P2RY2: variants seen among roughly 807,000 people sequenced by gnomAD.
The protein encoded by P2RY2 is purinergic receptor P2Y2.
For synonymous variants in P2RY2, 241 were observed against 231.9 expected, an observed-to-expected ratio of 1.04 and a Z score of -0.35; for missense variants, 567 against 515.7, an observed-to-expected ratio of 1.10 and a Z score of -0.96.
chr11:73,219,063 C>T (rs1862047159), intron 1 of P2RY2, among the ~76,000 whole-genome samples: 1 of 152,210 alleles, frequency 6.6e-6, no homozygotes, highest in South Asian at 2.1e-4. Context: ...AACCCGAAGG[C>T]TGCCAGTGGC....
Position 73,235,571 on chromosome 11 carries a change from T to A in P2RY2, c.*278T>A. On this transcript the variant is annotated 3_prime_UTR_variant, in exon 3 of 3. Transcript: ENST00000393597. Reference sequence around the variant, plus strand: ...AATGACACCCCTGGCCTGACTCCCATGCAAGTAGCTGGCTGTACTGCCAAG... The same window carrying A: ...AATGACACCCCTGGCCTGACTCCCAAGCAAGTAGCTGGCTGTACTGCCAAG... 8.7e-7 allele frequency: 1 copy of A among 1,153,654 alleles called. No homozygotes were observed. Among genetic ancestry groups the A allele is most frequent in the Non-Finnish European group, 1.1e-6 (1 of 929,432 alleles). 71.5% of individuals were successfully genotyped at this position (1,153,654 alleles called of 1,614,324 possible).
At chr11:73,232,433 A>T (rs1232386822) in intron 2 of P2RY2, among the ~76,000 whole-genome samples, 2 of 151,810 alleles carry the variant, frequency 1.3e-5, no homozygotes, top group African/African-American at 2.4e-5. Context: ...TTTTTCTGAG[A>T]CAGAGTCTTG....
intron 1 of P2RY2, among the ~76,000 whole-genome samples, chr11:73,222,670 G>T (rs1351994761): frequency 1.3e-5 from 2 of 152,050 alleles, no homozygotes; most frequent in Non-Finnish European, 2.9e-5. Context: ...TGCCTCTCCT[G>T]CCTTCAGAGC....
Position 73,235,803 on chromosome 11 carries a change from A to T in P2RY2, c.*510A>T. The stretch of plus-strand genomic sequence containing the variant: ...ATGGACTGGGTGCCACGGTGGACTT[A>T]GCTCTGAGGAGTACCCCCAGCCCAA... On this transcript the variant is annotated 3_prime_UTR_variant, in exon 3 of 3. Transcript: ENST00000393597. The T allele has an allele frequency of 1.0e-6, 1 of 1,001,222 alleles. No homozygotes were observed. Among genetic ancestry groups the T allele is most frequent in the Non-Finnish European group, 1.2e-6 (1 of 830,790 alleles). The allele number at this position is 1,001,222 out of a possible 1,614,324, so 62.0% of individuals were successfully genotyped here.
At position 73,237,275 on chromosome 11, in the gene P2RY2, T is replaced by A; in HGVS notation, c.*1982T>A. 1 of 262,250 alleles carries A rather than the reference T, an allele frequency of 3.8e-6. No individual in the cohort carries two copies. Among genetic ancestry groups the A allele is most frequent in the Non-Finnish European group, 5.9e-6 (1 of 168,848 alleles). 16.2% of individuals were successfully genotyped at this position (262,250 alleles called of 1,614,324 possible). On this transcript the variant is annotated 3_prime_UTR_variant, in exon 3 of 3. Coordinates refer to ENST00000393597, the MANE Select transcript of P2RY2 (RefSeq NM_002564.4). ...TTTTTTTTCTTTTTGAGACGAAGTC[T>A]TGTTCTGTCACCCAGGCTGGAAGTG...
Position 73,234,781 on chromosome 11 carries a change from G to A in P2RY2, c.622G>A (p.Ala208Thr). Residue 208 changes from alanine (A) to threonine (T), a missense_variant, in exon 3 of 3, where the codon GCG becomes ACG. Transcript: ENST00000393597. ...CTCAGTCATGCTGGGCCTGCTCTTC[G>A]CGGTGCCCTTTGCCGTCATCCTTGT... ...YSSVMLGLLF[A>T]VPFAVILVCY... 1.2e-6 allele frequency: 2 copies of A among 1,611,754 alleles called. No homozygotes were observed. Among genetic ancestry groups the A allele is most frequent in the East Asian group, 2.2e-5 (1 of 44,862 alleles).
rs1358316676 is a variant in P2RY2, at chr11:73,240,630, T to G, written c.*5337T>G. On this transcript the variant is annotated 3_prime_UTR_variant, in exon 3 of 3. Transcript: ENST00000393597. ...TGTGCCTTACCCAGTCACACAGCAGTCAGTGTGAAGCTTAGGTGTAAGCCC... is the reference window on the plus strand; with the variant it reads ...TGTGCCTTACCCAGTCACACAGCAGGCAGTGTGAAGCTTAGGTGTAAGCCC... 1 of 152,152 alleles carries G rather than the reference T, an allele frequency of 6.6e-6. No individual in the cohort carries two copies. Among genetic ancestry groups the G allele is most frequent in the Non-Finnish European group, 1.5e-5 (1 of 68,048 alleles). 9.4% of individuals were successfully genotyped at this position (152,152 alleles called of 1,614,324 possible).
In P2RY2 at chr11:73,236,725, C is replaced by G; in HGVS notation, c.*1432C>G. 2 of 985,408 alleles carry G rather than the reference C, an allele frequency of 2.0e-6. No homozygotes were observed. Among genetic ancestry groups the G allele is most frequent in the Non-Finnish European group, 2.4e-6 (2 of 829,924 alleles). The allele number at this position is 985,408 out of a possible 1,614,324, so 61.0% of individuals were successfully genotyped here. A position where few individuals can be genotyped will look rare whatever the true frequency, so the allele number is the denominator to read the frequency against. ...TAAATATGAAAGAGATTCACTCCTC[C>G]TCCTGTCCATCGTCTGCCTTCTGGG... On this transcript the variant is annotated 3_prime_UTR_variant, in exon 3 of 3. Coordinates refer to ENST00000393597, the MANE Select transcript of P2RY2 (RefSeq NM_002564.4).
chr11:73,220,909 C>A (rs553023437), intron 1 of P2RY2, among the ~76,000 whole-genome samples: 3 of 152,126 alleles, frequency 2.0e-5, no homozygotes, highest in Non-Finnish European at 4.4e-5. Context: ...TCATGAGTGA[C>A]CCCATGAGAG....
intron 1 of P2RY2, among the ~76,000 whole-genome samples, chr11:73,224,387 C>T (rs1862215941): frequency 6.6e-6 from 1 of 152,332 alleles, no homozygotes; most frequent in South Asian, 2.1e-4. Flanking sequence ...CCTGACTCCT[C>T]GTCTTCCAAA....
rs1862093921 is a variant in P2RY2, at chr11:73,220,732, T to C, written c.-200+2300T>C. On this transcript the variant is annotated intron_variant, in intron 1 of 2. Transcript: ENST00000393597. ...CTGTCTTGGAGTCTGGTCAGAGGGG[T>C]TGGGGATCCCAGTGGGCAACCCTCA... 2.0e-5 allele frequency among the ~76,000 whole-genome samples: 3 copies of C among 152,234 alleles called. No homozygotes were observed. In the South Asian group the frequency reaches 6.2e-4, roughly 32 times the overall value.
chr11:73,230,984 G>A (rs1218422314), intron 2 of P2RY2, among the ~76,000 whole-genome samples: 2 of 152,150 alleles, frequency 1.3e-5, no homozygotes, highest in Admixed American at 6.5e-5. Context: ...AAGAGGTAGA[G>A]CCTGGAACGA....
rs748059913 is a variant in P2RY2, at chr11:73,234,720, G to A, written c.561G>A (p.Ser187=). The A allele has an allele frequency of 1.2e-6, 2 of 1,608,596 alleles. No individual in the cohort carries two copies. The highest frequency in any genetic ancestry group is 1.7e-5 in the Admixed American group (1 of 59,948). Residue 187 remains serine, a synonymous_variant, in exon 3 of 3, where the codon TCG becomes TCA. Transcript: ENST00000393597. ...GCCGCGTAACCTGCCACGACACCTC[G>A]GCACCCGAGCTCTTCAGCCGCTTCG... ...RGGRVTCHDT[S]APELFSRFVA...
rs1862701314 is a variant in P2RY2, at chr11:73,238,268, G to T, written c.*2975G>T. ...GATGGGAGGAAAGGGAGGGTAGAGA[G>T]TTGAGTGTCAGGGAGTAAATGTCTG... On this transcript the variant is annotated 3_prime_UTR_variant, in exon 3 of 3. Coordinates refer to ENST00000393597, the MANE Select transcript of P2RY2 (RefSeq NM_002564.4). Among the ~76,000 whole-genome samples, 1 of 152,212 alleles carries T rather than the reference G, an allele frequency of 6.6e-6. No individual in the cohort carries two copies. Among genetic ancestry groups the T allele is most frequent in the South Asian group, 2.1e-4 (1 of 4,834 alleles).
intron 2 of P2RY2, among the ~76,000 whole-genome samples, chr11:73,231,059 C>A (rs1733911010): frequency 6.6e-6 from 1 of 152,116 alleles, no homozygotes; most frequent in South Asian, 2.1e-4. Context: ...CCTGCCAGAG[C>A]CCCAGCATCT....
At chr11:73,233,569 C>T (rs1325802992) in intron 2 of P2RY2, among the ~76,000 whole-genome samples, 4 of 152,240 alleles carry the variant, frequency 2.6e-5, no homozygotes, top group African/African-American at 9.6e-5. Flanking sequence ...GCTCAGAATC[C>T]TAGATCTAAA....
chr11:73,220,110 TGGCACCAGCTTCTCCAGTAAA>T (rs1295962841), intron 1 of P2RY2, among the ~76,000 whole-genome samples: 3 of 152,230 alleles, frequency 2.0e-5, no homozygotes, highest in Non-Finnish European at 4.4e-5. Context: ...CCCCTGTCTC[TGGCACCAGCTTCTCCAGTAAA>T]GGCCCGGCTG....
intron 1 of P2RY2, among the ~76,000 whole-genome samples, chr11:73,227,517 G>C (rs1332515444): frequency 6.6e-6 from 1 of 152,166 alleles, no homozygotes; most frequent in East Asian, 1.9e-4. Context: ...AGGTAGGAGT[G>C]GGGAGGAGGG....
rs909090965 is a variant in P2RY2, at chr11:73,241,422, A to G, written c.*6129A>G. On this transcript the variant is annotated 3_prime_UTR_variant, in exon 3 of 3. Transcript: ENST00000393597. ...CTTCATCTGGAAAATTGAACTGGTAATACCAATACCTCTTTTCCCGGTTTA... is the reference window on the plus strand; with the variant it reads ...CTTCATCTGGAAAATTGAACTGGTAGTACCAATACCTCTTTTCCCGGTTTA... 6.6e-6 allele frequency: 1 copy of G among 152,574 alleles called. No individual in the cohort carries two copies. The highest frequency in any genetic ancestry group is 2.4e-5 in the African/African-American group (1 of 41,462). The allele number at this position is 152,574 out of a possible 1,614,324, so 9.5% of individuals were successfully genotyped here. A position where few individuals can be genotyped will look rare whatever the true frequency, so the allele number is the denominator to read the frequency against.
Sources: allele counts gnomAD v4.1 joint callset (sites outside exome capture counted in the v4.1 genomes callset), GRCh38; gene constraint gnomAD v4.1.1; transcripts MANE v1.5; gene names NCBI Gene and HGNC (gene_info 2026-07-23, HGNC 2026-07-21).